Variants in NOX5 observed in about 807,000 individuals in gnomAD.
NOX5 encodes NADPH oxidase 5, also known as NADPH oxidase, EF-hand calcium binding domain 5.
A neutral mutation model predicts 85.7 loss-of-function variants in NOX5; 76 were observed. The ratio of observed to expected loss-of-function variants is 0.89; its 90% CI spans 0.74 to 1.07. The LOEUF is 1.07. Ranked by LOEUF, NOX5 falls within the 50% of genes least tolerant of loss-of-function variation. The probability of loss-of-function intolerance (pLI) is 0.00; values close to 1 mark genes in which losing one functional copy is unlikely to be tolerated. For missense variants in NOX5, 973 were observed against 999.5 expected (o/e 0.97, Z 0.36); for synonymous variants, 405 against 401.4 (o/e 1.01, Z -0.11).
intron 9 of NOX5, among the ~76,000 whole-genome samples, chr15:69,040,433 C>A (rs1391643984): frequency 1.3e-5 from 2 of 152,188 alleles, no homozygotes; most frequent in East Asian, 3.9e-4. Context: ...ATCTACATGG[C>A]TAATCAGATG....
chr15:69,023,495 G>A, intron 1 of NOX5: 1 of 369,144 alleles, frequency 2.7e-6, no homozygotes, highest in South Asian at 2.3e-5. Flanking sequence ...TAGAGCCAGG[G>A]TTGTCTTCTT....
In NOX5 at chr15:69,055,471, A is replaced by G; in HGVS notation, c.2137A>G (p.Thr713Ala). 6.2e-7 allele frequency: 1 copy of G among 1,614,078 alleles called. No individual in the cohort carries two copies. The highest frequency in any genetic ancestry group is 1.1e-5 in the South Asian group (1 of 91,078). ...CTCCATCACGGGGCTGCAGACGCGC[A>G]CCCAGCCTGGGCGGCCTGACTGGAG... ...KDSITGLQTR[T>A]QPGRPDWSKV... The change falls in exon 15 of 16, where the codon ACC (threonine) becomes GCC (alanine). Residue 713 changes from threonine (T) to alanine (A), a missense_variant. Transcript: ENST00000388866.
chr15:69,020,121 C>A lies in NOX5; in HGVS notation c.50+5336C>A, dbSNP rs1002400079. ...ATAGGACTTCTATGTTAAAAGAACACTAACACAGCTGCAATTTATCAATAC... is the reference window on the plus strand; with the variant it reads ...ATAGGACTTCTATGTTAAAAGAACAATAACACAGCTGCAATTTATCAATAC... On this transcript the variant is annotated intron_variant, in intron 1 of 15. Transcript: ENST00000388866. 2.4e-4 allele frequency among the ~76,000 whole-genome samples: 36 copies of A among 152,304 alleles called. 1 individual carries two copies. The highest frequency in any genetic ancestry group is 7.4e-5 in the Non-Finnish European group (5 of 68,024).
chr15:69,050,790 G>A (rs2050739026), intron 14 of NOX5, among the ~76,000 whole-genome samples: 1 of 152,178 alleles, frequency 6.6e-6, no homozygotes, highest in African/African-American at 2.4e-5. Flanking sequence ...TTTTATTGGG[G>A]TGAGTCTAGA....
intron 2 of NOX5, among the ~76,000 whole-genome samples, chr15:69,027,216 A>C (rs2140252413): frequency 6.6e-6 from 1 of 151,314 alleles, no homozygotes; most frequent in Non-Finnish European, 1.5e-5. Flanking sequence ...AATCAGAAGG[A>C]CCCTCCCCTG....
chr15:69,045,536 TTTTC>T (rs11389610), intron 10 of NOX5, among the ~76,000 whole-genome samples: 26 of 94,560 alleles, frequency 2.7e-4, no homozygotes, highest in African/African-American at 1.0e-3. Flanking sequence ...TTCCTTTCTT[TTTTC>T]TTTCTTTCTT....
chr15:69,030,885 G>A (rs1408008324), intron 3 of NOX5: 1 of 152,272 alleles, frequency 6.6e-6, no homozygotes, highest in Non-Finnish European at 1.5e-5. Flanking sequence ...AGGACTTAGA[G>A]CCCACTATTG....
chr15:69,046,889 G>A (rs776686705), intron 11 of NOX5, 23 bp downstream of exon 11: 63 of 1,612,586 alleles, frequency 3.9e-5, no homozygotes, highest in South Asian at 1.9e-4. Context: ...AGGGGTGGAC[G>A]TGAGCAATAA....
In NOX5 at chr15:69,057,179, TTAA is replaced by T. The variant is rs1467795504; in HGVS notation, c.*488_*490del. 1 of 154,668 alleles carries T rather than the reference TTAA, an allele frequency of 6.5e-6. No homozygotes were observed. The highest frequency in any genetic ancestry group is 2.4e-5 in the African/African-American group (1 of 41,474). 9.6% of individuals were successfully genotyped at this position (154,668 alleles called of 1,614,324 possible). The stretch of plus-strand genomic sequence containing the variant: ...GTTACCTACTTTCTAGACTCCTCAG[TTAA>T]TAATTTGCTCTGTTTATCACATATT... On this transcript the variant is annotated 3_prime_UTR_variant, in exon 16 of 16. Transcript: ENST00000388866.
chr15:69,018,875 T>G (rs2140244565), intron 1 of NOX5, among the ~76,000 whole-genome samples: 1 of 152,196 alleles, frequency 6.6e-6, no homozygotes, highest in South Asian at 2.1e-4. Flanking sequence ...TATATTTTAT[T>G]ATGTTATAAG....
In NOX5 at chr15:69,028,208, C is replaced by T. The variant is rs1453451638; in HGVS notation, c.175-7C>T. Reference sequence around the variant, plus strand: ...GTTGTGCTGTCTTCCACCCTTCTCGCCCACAGTCCTTCTTTGCAGAGCGAT... The same window carrying T: ...GTTGTGCTGTCTTCCACCCTTCTCGTCCACAGTCCTTCTTTGCAGAGCGAT... On this transcript the variant is annotated splice_region_variant and splice_polypyrimidine_tract_variant and intron_variant, in intron 2 of 15. Coordinates refer to ENST00000388866, the MANE Select transcript of NOX5 (RefSeq NM_024505.4). 6.3e-7 allele frequency: 1 copy of T among 1,592,126 alleles called. No individual in the cohort carries two copies. The highest frequency in any genetic ancestry group is 8.6e-7 in the Non-Finnish European group (1 of 1,168,902).
At position 69,059,215 on chromosome 15, in the gene NOX5, C is replaced by T. The variant is rs1233165345; in HGVS notation, c.*2519C>T. ...CCCACATGTGTGACGACCATATGCCCGTGTCCTGAGGTTTTCTCTCCAGAC... is the reference window on the plus strand; with the variant it reads ...CCCACATGTGTGACGACCATATGCCTGTGTCCTGAGGTTTTCTCTCCAGAC... On this transcript the variant is annotated 3_prime_UTR_variant, in exon 16 of 16. Coordinates refer to ENST00000388866, the MANE Select transcript of NOX5 (RefSeq NM_024505.4). 6.6e-6 allele frequency: 1 copy of T among 152,178 alleles called. No individual in the cohort carries two copies. The highest frequency in any genetic ancestry group is 2.1e-4 in the South Asian group (1 of 4,824). The allele number at this position is 152,178 out of a possible 1,614,324, so 9.4% of individuals were successfully genotyped here.
chr15:69,035,556 C>T, intron 6 of NOX5, 49 bp downstream of exon 6: 1 of 1,604,184 alleles, frequency 6.2e-7, no homozygotes, highest in Non-Finnish European at 8.5e-7. Context: ...TGAGCAGCCT[C>T]AAGCCCAGAA....
chr15:69,051,800 G>C (rs2050752523), intron 14 of NOX5, among the ~76,000 whole-genome samples: 1 of 151,870 alleles, frequency 6.6e-6, no homozygotes, highest in Non-Finnish European at 1.5e-5. Flanking sequence ...TTTAGAGAGT[G>C]ATCTAAGATA....
chr15:69,035,916 C>T lies in NOX5; in HGVS notation c.1168C>T (p.Arg390Cys), dbSNP rs773013901. ...GTTCATCTGCTCCAGTTCCTGCATC[C>T]GCAGGAGTGGCCACTTTGAGGTGCC... ...LMFICSSSCI[R>C]RSGHFEVFYW... is the part of the protein sequence containing the mutation. Residue 390 changes from arginine (R) to cysteine (C), a missense_variant, in exon 7 of 16, where the codon CGC becomes TGC. Transcript: ENST00000388866. 11 of 1,613,856 alleles carry T rather than the reference C, an allele frequency of 6.8e-6. No homozygotes were observed. The highest frequency in any genetic ancestry group is 1.7e-5 in the Admixed American group (1 of 60,002).
At chr15:69,039,281 AG>A (rs1269999640) in intron 9 of NOX5, among the ~76,000 whole-genome samples, 1 of 148,728 alleles carries the variant, frequency 6.7e-6, no homozygotes, top group African/African-American at 2.5e-5. Flanking sequence ...TTTACCAGAT[AG>A]GGAAGGAGAT....
At chr15:69,036,300 T>G (rs1352510794) in intron 7 of NOX5, among the ~76,000 whole-genome samples, 1 of 152,170 alleles carries the variant, frequency 6.6e-6, no homozygotes, top group Non-Finnish European at 1.5e-5. Context: ...CTCTCATCTG[T>G]AAAATGGAGG....
chr15:69,015,345 C>T (rs549217533), intron 1 of NOX5, among the ~76,000 whole-genome samples: 52 of 152,320 alleles, frequency 3.4e-4, no homozygotes, highest in African/African-American at 1.2e-3. Flanking sequence ...TACCTCTCCC[C>T]TTGCACAGGC....
intron 1 of NOX5, among the ~76,000 whole-genome samples, chr15:69,016,340 G>A (rs1433208196): frequency 6.6e-6 from 1 of 152,228 alleles, no homozygotes. Flanking sequence ...GGCCCTGGGA[G>A]CTTTGGACTG....
Sources: allele counts gnomAD v4.1 joint callset (sites outside exome capture counted in the v4.1 genomes callset), GRCh38; gene constraint gnomAD v4.1.1; transcripts MANE v1.5; gene names NCBI Gene and HGNC (gene_info 2026-07-23, HGNC 2026-07-21).